TLE3: variants seen among roughly 807,000 people sequenced by gnomAD.
The protein encoded by TLE3 is TLE family member 3, transcriptional corepressor.
A neutral mutation model predicts 93.0 loss-of-function variants in TLE3; 14 were observed. That is an observed-to-expected ratio of 0.15 (90% confidence interval 0.10 to 0.24). The LOEUF (loss-of-function observed/expected upper bound fraction) is 0.24. TLE3 is among the 10% of genes least tolerant of loss of function. The pLI is 1.00. For missense variants in TLE3, 693 were observed against 1,046.6 expected (o/e 0.66, Z 4.66); for synonymous variants, 451 against 425.0 (o/e 1.06, Z -0.75).
chr15:70,094,859 T>C, intron 3 of TLE3: 1 of 379,352 alleles, frequency 2.6e-6, no homozygotes, highest in Non-Finnish European at 4.8e-6. Flanking sequence ...TTATACAAGG[T>C]TCAGGTTCAA....
At position 70,054,632 on chromosome 15, in the gene TLE3, G is replaced by A. The variant is rs1242452507; in HGVS notation, c.1632C>T (p.Leu544=). 7 of 1,611,498 alleles carry A rather than the reference G, an allele frequency of 4.3e-6. No individual in the cohort carries two copies. Among genetic ancestry groups the A allele is most frequent in the Non-Finnish European group, 5.9e-6 (7 of 1,178,504 alleles). The change falls in exon 16 of 20, where the codon CTC becomes CTT. Residue 544 remains leucine, a synonymous_variant. Coordinates refer to ENST00000451782, the MANE Select transcript of TLE3 (RefSeq NM_001105192.3). ...SCKLLPDGRT[L]IVGGEASTLT... is the part of the protein sequence containing the mutation. ...GCGTGCTGGCCTCGCCGCCCACGATGAGCGTGCGCCCATCAGGGAGCAGCT... is the reference window on the plus strand; with the variant it reads ...GCGTGCTGGCCTCGCCGCCCACGATAAGCGTGCGCCCATCAGGGAGCAGCT...
chr15:70,071,415 C>A (rs1344591559), intron 6 of TLE3, among the ~76,000 whole-genome samples: 2 of 152,108 alleles, frequency 1.3e-5, no homozygotes, highest in African/African-American at 2.4e-5. Context: ...GTCTTTCCTT[C>A]CCCTTTTCAC....
intron 6 of TLE3, among the ~76,000 whole-genome samples, chr15:70,070,248 C>T (rs1393587170): frequency 2.0e-5 from 3 of 152,234 alleles, no homozygotes; most frequent in Admixed American, 6.5e-5. Flanking sequence ...TGATAAGCAC[C>T]CATGGCCTGG....
chr15:70,077,257 T>C (rs754524433), intron 4 of TLE3, among the ~76,000 whole-genome samples: 2 of 152,224 alleles, frequency 1.3e-5, no homozygotes, highest in African/African-American at 2.4e-5. Context: ...TGAGTCCAGA[T>C]AGAAAGGCCT....
intron 3 of TLE3, chr15:70,095,332 G>A: frequency 7.0e-7 from 1 of 1,420,740 alleles, no homozygotes; most frequent in Non-Finnish European, 9.2e-7. Flanking sequence ...CATAAAGATA[G>A]TACAGAAGTC....
In TLE3 at chr15:70,096,764, C is replaced by T. The variant is rs1177072622; in HGVS notation, c.24+11G>A. 5 of 1,613,036 alleles carry T rather than the reference C, an allele frequency of 3.1e-6. No homozygotes were observed. Among genetic ancestry groups the T allele is most frequent in the East Asian group, 4.5e-5 (2 of 44,836 alleles). ...ATAGATGCTTAAATAAACCGAGTTG[C>T]AATTACTCACCGGATGTCTGCCCTG... On this transcript the variant is annotated intron_variant, in intron 1 of 19. Coordinates refer to ENST00000451782, the MANE Select transcript of TLE3 (RefSeq NM_001105192.3).
intron 4 of TLE3, chr15:70,079,403 G>A: frequency 2.3e-6 from 1 of 441,458 alleles, no homozygotes; most frequent in South Asian, 1.6e-5. Flanking sequence ...CTTACGTTGG[G>A]AGAACCTCCT....
intron 6 of TLE3, among the ~76,000 whole-genome samples, chr15:70,067,717 G>A (rs2056899021): frequency 6.6e-6 from 1 of 152,174 alleles, no homozygotes; most frequent in Non-Finnish European, 1.5e-5. Context: ...TGGATAAAGG[G>A]CCCTACTCTC....
At chr15:70,052,763 G>T in intron 17 of TLE3, 6 of 343,280 alleles carry the variant, frequency 1.7e-5, no homozygotes, top group Non-Finnish European at 2.0e-5. Context: ...AAAAAAGTGA[G>T]TTAAAAAAAA....
chr15:70,079,334 T>C (rs371687485), intron 4 of TLE3: 32 of 495,592 alleles, frequency 6.5e-5, no homozygotes, highest in African/African-American at 4.6e-4. Flanking sequence ...AGGAAGGACT[T>C]TGGCACGTCA....
Position 70,058,884 on chromosome 15 carries a change from A to G in TLE3, c.766-69T>C. 1 of 1,468,190 alleles carries G rather than the reference A, an allele frequency of 6.8e-7. No homozygotes were observed. The highest frequency in any genetic ancestry group is 9.0e-7 in the Non-Finnish European group (1 of 1,112,390). 90.9% of individuals were successfully genotyped at this position (1,468,190 alleles called of 1,614,324 possible). A position where few individuals can be genotyped will look rare whatever the true frequency, so the allele number is the denominator to read the frequency against. On this transcript the variant is annotated intron_variant, in intron 10 of 19. Transcript: ENST00000451782. The surrounding 1 kb of genome is among the most constrained non-coding windows in gnomAD (Gnocchi z 4.1). Reference sequence around the variant, plus strand: ...AGCCTCGAGGCTTCCCTGCTCTGGGAGTGGGAAGAGAGAGGGCATGGGCGA... The same window carrying G: ...AGCCTCGAGGCTTCCCTGCTCTGGGGGTGGGAAGAGAGAGGGCATGGGCGA...
At chr15:70,065,979 G>GCC in intron 7 of TLE3, 35 bp downstream of exon 7, 1 of 1,089,090 alleles carries the variant, frequency 9.2e-7, no homozygotes, top group Non-Finnish European at 1.4e-6. Flanking sequence ...GCCCACCCCT[G>GCC]CCCCGCCCCA....
At chr15:70,063,129 A>G (rs574924971) in intron 8 of TLE3, among the ~76,000 whole-genome samples, 1 of 152,338 alleles carries the variant, frequency 6.6e-6, no homozygotes, top group South Asian at 2.1e-4. Flanking sequence ...CTTCCGAAAC[A>G]AAGCTGAGAG....
chr15:70,053,851 T>C (rs1484180583), intron 16 of TLE3: 2 of 159,844 alleles, frequency 1.3e-5, no homozygotes, highest in Admixed American at 6.2e-5. Flanking sequence ...TCATCCTGCA[T>C]GAACTATGGG....
At chr15:70,077,692 G>A (rs764176739) in intron 4 of TLE3, among the ~76,000 whole-genome samples, 1 of 152,210 alleles carries the variant, frequency 6.6e-6, no homozygotes, top group African/African-American at 2.4e-5. Context: ...GAGCCTGTCC[G>A]CTACAGTGGG....
At position 70,092,749 on chromosome 15, in the gene TLE3, A is replaced by G. The variant is rs1257349804; in HGVS notation, c.234+1783T>C. ...TGCGTTCACAGCATCCCCAGGACTC[A>G]CAGAACAGATCTGCTGCGAGCCAAG... On this transcript the variant is annotated intron_variant, in intron 4 of 19. Transcript: ENST00000451782. 2.0e-5 allele frequency among the ~76,000 whole-genome samples: 3 copies of G among 152,236 alleles called. No individual in the cohort carries two copies. In the East Asian group the frequency reaches 5.8e-4, roughly 29 times the overall value.
At chr15:70,080,956 C>T (rs1790645971) in intron 4 of TLE3, among the ~76,000 whole-genome samples, 1 of 152,190 alleles carries the variant, frequency 6.6e-6, no homozygotes, top group African/African-American at 2.4e-5. Context: ...ACCAGAGAGT[C>T]TGTCTGCTAG....
chr15:70,088,966 G>T (rs1444040896), intron 4 of TLE3, among the ~76,000 whole-genome samples: 1 of 152,066 alleles, frequency 6.6e-6, no homozygotes, highest in African/African-American at 2.4e-5. Context: ...GCCACCGGGT[G>T]GGGAGCCGCG....
intron 6 of TLE3, among the ~76,000 whole-genome samples, chr15:70,069,576 C>A (rs1000367446): frequency 2.0e-5 from 3 of 152,218 alleles, no homozygotes; most frequent in African/African-American, 7.2e-5. Context: ...CAACCTGCTG[C>A]AAAGAGCCAG....
Sources: gnomAD v4.1 joint callset for allele counts (sites outside exome capture counted in the v4.1 genomes callset) on GRCh38, gnomAD v4.1.1 for gene constraint, Gnocchi (gnomAD v3.1) non-coding constraint, MANE v1.5 for transcripts, NCBI Gene and HGNC (gene_info 2026-07-23, HGNC 2026-07-21) for gene names.